The following TMEM131 variants were observed in gnomAD, a reference collection of about 807,000 sequenced individuals.
The protein encoded by TMEM131 is 2610524E03Rik.
TMEM131 carries 66 observed loss-of-function variants against 211.6 expected under a neutral mutation model. The ratio of observed to expected loss-of-function variants is 0.31; its 90% CI spans 0.26 to 0.38. The LOEUF is 0.38. Among genes scored for constraint, TMEM131 ranks in the 10% least tolerant of loss-of-function variants. TMEM131 has a pLI of 1.00. For synonymous variants in TMEM131, 844 were observed against 841.3 expected (o/e 1.00, Z -0.06); for missense variants, 2,036 against 2,299.3 (o/e 0.89, Z 2.34).
intron 2 of TMEM131, among the ~76,000 whole-genome samples, chr2:97,924,141 T>C (rs1023493691): frequency 9.9e-5 from 15 of 151,596 alleles, no homozygotes; most frequent in Non-Finnish European, 1.8e-4. Flanking sequence ...TCCCAGCACT[T>C]TGGGAGACCA....
At position 97,779,582 on chromosome 2, in the gene TMEM131, A is replaced by G. The variant is rs187270451; in HGVS notation, c.4145-3564T>C. On this transcript the variant is annotated intron_variant, in intron 31 of 40. Coordinates refer to ENST00000186436, the MANE Select transcript of TMEM131 (RefSeq NM_015348.2). ...TTCTCAAAGTGTCCCCTGTTGCCCC[A>G]GAGTCCGCATCACCTGGGACCTTGT... Among the ~76,000 whole-genome samples, 43 of 152,338 alleles carry G rather than the reference A, an allele frequency of 2.8e-4. No individual in the cohort carries two copies. In the East Asian group the frequency reaches 8.1e-3, roughly 29 times the overall value.
intron 33 of TMEM131, among the ~76,000 whole-genome samples, chr2:97,770,167 G>C (rs1057440667): frequency 3.9e-5 from 6 of 152,176 alleles, no homozygotes; most frequent in Admixed American, 3.3e-4. Flanking sequence ...GACAGTGTTT[G>C]ACATTTATTA....
rs773315165 is a variant in TMEM131, at chr2:97,796,266, C to T, written c.3152G>A (p.Cys1051Tyr). 1.3e-6 allele frequency: 2 copies of T among 1,572,110 alleles called. No individual in the cohort carries two copies. The highest frequency in any genetic ancestry group is 1.9e-5 in the Admixed American group (1 of 53,680). The change falls in exon 28 of 41, where the codon TGT becomes TAT. Residue 1051 changes from cysteine (C) to tyrosine (Y), a missense_variant. By Grantham distance (194) the Cys-to-Tyr change is radical. Transcript: ENST00000186436. ...CEGYGFKVVN[C>Y]QEFTLSANAS... ...ATTGGCACTTAGAGTAAACTCTTGA[C>T]AATTAACAACTTTAAAGCCATATCC...
At chr2:97,940,381 CAGAG>C (rs1354493051) in intron 1 of TMEM131, among the ~76,000 whole-genome samples, 2 of 152,144 alleles carry the variant, frequency 1.3e-5, no homozygotes, top group African/African-American at 4.8e-5. Flanking sequence ...CAATAAGAGA[CAGAG>C]AGCCAAATCA....
intron 4 of TMEM131, among the ~76,000 whole-genome samples, chr2:97,870,685 C>A (rs1674454160): frequency 6.6e-6 from 1 of 152,224 alleles, no homozygotes; most frequent in Non-Finnish European, 1.5e-5. Context: ...CAGGAAACAG[C>A]TGAAGAAATG....
At chr2:97,855,214 T>A (rs1184065828) in intron 5 of TMEM131, among the ~76,000 whole-genome samples, 2 of 152,230 alleles carry the variant, frequency 1.3e-5, no homozygotes, top group African/African-American at 2.4e-5. Flanking sequence ...TGTTTTAAAC[T>A]GCAAAAGTAA....
chr2:97,974,425 G>T (rs1679441070), intron 1 of TMEM131, among the ~76,000 whole-genome samples: 1 of 151,740 alleles, frequency 6.6e-6, no homozygotes, highest in African/African-American at 2.4e-5. Flanking sequence ...AGGAGGACAG[G>T]AAAAATGTTT....
intron 4 of TMEM131, among the ~76,000 whole-genome samples, chr2:97,867,641 G>T (rs911095731): frequency 2.0e-5 from 3 of 152,182 alleles, no homozygotes; most frequent in Non-Finnish European, 4.4e-5. Context: ...CAGGCCTGCT[G>T]CATCTGGGAT....
chr2:97,987,367 G>C (rs953483514), intron 1 of TMEM131, among the ~76,000 whole-genome samples: 3 of 152,166 alleles, frequency 2.0e-5, no homozygotes, highest in African/African-American at 7.2e-5. Context: ...GCTGAGCGTG[G>C]TGGCACACAC....
chr2:97,789,199 C>T (rs1573362502), intron 31 of TMEM131, among the ~76,000 whole-genome samples: 1 of 152,230 alleles, frequency 6.6e-6, no homozygotes, highest in East Asian at 1.9e-4. Flanking sequence ...CTTTGCCTGG[C>T]CCTGCCTGCT....
chr2:97,848,352 T>C (rs769596404), intron 5 of TMEM131, among the ~76,000 whole-genome samples: 4 of 152,188 alleles, frequency 2.6e-5, no homozygotes, highest in Admixed American at 6.5e-5. Context: ...ACTATTATGG[T>C]TGTCCCTCAG....
At chr2:97,794,406 G>T (rs1311170524) in intron 29 of TMEM131, among the ~76,000 whole-genome samples, 1 of 152,114 alleles carries the variant, frequency 6.6e-6, no homozygotes, top group East Asian at 1.9e-4. Context: ...ATGTGTATTA[G>T]AAGAAATGCC....
At chr2:97,988,482 G>C (rs1235418793) in intron 1 of TMEM131, among the ~76,000 whole-genome samples, 1 of 152,136 alleles carries the variant, frequency 6.6e-6, no homozygotes, top group Non-Finnish European at 1.5e-5. Context: ...GATCAACAGA[G>C]TGAAAAGGCA....
intron 4 of TMEM131, among the ~76,000 whole-genome samples, chr2:97,879,722 C>T (rs2104191148): frequency 6.6e-6 from 1 of 152,292 alleles, no homozygotes; most frequent in South Asian, 2.1e-4. Context: ...TGAGAATTTC[C>T]TTACTGTCTT....
chr2:97,812,317 G>A lies in TMEM131; in HGVS notation c.1863+104C>T, dbSNP rs1050618047. 4 of 1,293,800 alleles carry A rather than the reference G, an allele frequency of 3.1e-6. No homozygotes were observed. In the East Asian group the frequency reaches 9.4e-5, roughly 30 times the overall value. The allele number at this position is 1,293,800 out of a possible 1,614,324, so 80.1% of individuals were successfully genotyped here. ...AATAGCAAGTAACCAACACTATTATGAACTGCATAAAAATAATAGTGATAC... is the reference window on the plus strand; with the variant it reads ...AATAGCAAGTAACCAACACTATTATAAACTGCATAAAAATAATAGTGATAC... On this transcript the variant is annotated intron_variant, in intron 17 of 40. Transcript: ENST00000186436.
At chr2:97,877,553 A>AC (rs935742152) in intron 4 of TMEM131, among the ~76,000 whole-genome samples, 1 of 152,190 alleles carries the variant, frequency 6.6e-6, no homozygotes, top group African/African-American at 2.4e-5. Context: ...ACAACACCAC[A>AC]CATCTACAAC....
chr2:97,765,274 C>T (rs938105828), intron 35 of TMEM131: 3 of 152,244 alleles, frequency 2.0e-5, no homozygotes, highest in African/African-American at 7.2e-5. Context: ...CACATTCCGG[C>T]GAGAGCGTGG....
intron 5 of TMEM131, among the ~76,000 whole-genome samples, chr2:97,845,995 C>T (rs115652492): frequency 0.029 from 4,408 of 152,284 alleles, 75 homozygotes; most frequent in Middle Eastern, 0.065. Context: ...CTTTGACAGT[C>T]GGCTAGATCT....
At chr2:97,858,975 T>A (rs1559406073) in intron 5 of TMEM131, among the ~76,000 whole-genome samples, 1 of 152,200 alleles carries the variant, frequency 6.6e-6, no homozygotes. Flanking sequence ...AAGTCTCAAG[T>A]TTGTGGTAAT....
Sources: gnomAD v4.1 joint callset for allele counts (sites outside exome capture counted in the v4.1 genomes callset) on GRCh38, gnomAD v4.1.1 for gene constraint, MANE v1.5 for transcripts, NCBI Gene and HGNC (gene_info 2026-07-23, HGNC 2026-07-21) for gene names.